The following CTNNA3 variants were observed in gnomAD, a reference collection of about 807,000 sequenced individuals.
The protein encoded by CTNNA3 is catenin alpha 3, also known as catenin alpha-3.
A neutral mutation model predicts 95.7 loss-of-function variants in CTNNA3; 76 were observed. The ratio of observed to expected loss-of-function variants is 0.79; its 90% confidence interval spans 0.66 to 0.96. The LOEUF is 0.96. CTNNA3 is among the 40% of genes least tolerant of loss of function. The probability of loss-of-function intolerance (pLI) is 0.00; values close to 1 mark genes in which losing one functional copy is unlikely to be tolerated. For missense variants in CTNNA3, 1,191 were observed against 1,089.8 expected, an observed-to-expected ratio of 1.09 and a Z score of -1.31; for synonymous variants, 431 against 374.4, an observed-to-expected ratio of 1.15 and a Z score of -1.74.
intron 7 of CTNNA3, among the ~76,000 whole-genome samples, chr10:66,844,394 T>A (rs930130480): frequency 6.6e-6 from 1 of 152,236 alleles, no homozygotes; most frequent in Non-Finnish European, 1.5e-5. Context: ...GCCTATTGAT[T>A]GGTGAGACTT....
At chr10:66,572,467 C>A (rs2132168695) in intron 10 of CTNNA3, among the ~76,000 whole-genome samples, 1 of 151,668 alleles carries the variant, frequency 6.6e-6, no homozygotes, top group Admixed American at 6.6e-5. Context: ...ATATGTCTAT[C>A]TCTACATCTA....
intron 15 of CTNNA3, among the ~76,000 whole-genome samples, chr10:66,002,912 T>C (rs558071986): frequency 2.0e-5 from 3 of 152,342 alleles, no homozygotes; most frequent in East Asian, 1.9e-4. Context: ...GCATTGCCTT[T>C]GCACATGATC....
At chr10:66,552,957 G>T (rs1210145812) in intron 10 of CTNNA3, among the ~76,000 whole-genome samples, 1 of 151,774 alleles carries the variant, frequency 6.6e-6, no homozygotes, top group Non-Finnish European at 1.5e-5. Context: ...TTAAAAATAT[G>T]CTGAGTGATT....
intron 11 of CTNNA3, among the ~76,000 whole-genome samples, chr10:66,432,194 A>C (rs188213543): frequency 3.3e-5 from 5 of 152,300 alleles, no homozygotes; most frequent in Admixed American, 2.0e-4. Flanking sequence ...TTAATGGTAT[A>C]GTTTAAAATC....
intron 1 of CTNNA3, among the ~76,000 whole-genome samples, chr10:67,726,273 T>TA (rs1841214841): frequency 2.0e-5 from 2 of 98,176 alleles, no homozygotes; most frequent in Non-Finnish European, 1.8e-5. Context: ...ACATATTATA[T>TA]ATATTATATT....
chr10:67,539,422 C>T, intron 4 of CTNNA3, 81 bp downstream of exon 4: 1 of 1,461,624 alleles, frequency 6.8e-7, no homozygotes, highest in Non-Finnish European at 9.5e-7. Flanking sequence ...AGCCAAGATG[C>T]ACTAGGATCG....
intron 6 of CTNNA3, 38 bp downstream of exon 6, chr10:67,219,569 A>G (rs1864551761): frequency 6.3e-7 from 1 of 1,582,308 alleles, no homozygotes; most frequent in East Asian, 2.2e-5. Context: ...TTACTGTATT[A>G]GGACATCAGA....
At chr10:67,690,470 A>G (rs1156306740) in intron 1 of CTNNA3, among the ~76,000 whole-genome samples, 1 of 152,042 alleles carries the variant, frequency 6.6e-6, no homozygotes. Flanking sequence ...GGTCCATTTT[A>G]CAGAGTGCTG....
intron 10 of CTNNA3, among the ~76,000 whole-genome samples, chr10:66,619,002 C>G (rs1738448313): frequency 6.6e-6 from 1 of 152,092 alleles, no homozygotes; most frequent in Non-Finnish European, 1.5e-5. Flanking sequence ...AAATAAAAAC[C>G]ACAATGAGAT....
At position 65,920,490 on chromosome 10, in the gene CTNNA3, T is replaced by C. The variant is rs540211204; in HGVS notation, c.2528A>G (p.His843Arg). The change falls in exon 18 of 18, where the codon CAC becomes CGC. Residue 843 changes from histidine to arginine, a missense_variant. By Grantham distance (29) the His-to-Arg change is conservative (BLOSUM62 0). Transcript: ENST00000433211. ...CTTCATTCTCCACATCACAACTGGG[T>C]GCCGGGGCCCAGCAGGACTCTGGAT... ...IRIQSPAGPRHPVVMWRMKAP... is the reference protein window; with the variant it reads ...IRIQSPAGPRRPVVMWRMKAP... 2 of 1,614,128 alleles carry C rather than the reference T, an allele frequency of 1.2e-6. No individual in the cohort carries two copies. The highest frequency in any genetic ancestry group is 1.7e-6 in the Non-Finnish European group (2 of 1,180,020).
At chr10:67,478,230 G>A (rs1006680054) in intron 5 of CTNNA3, among the ~76,000 whole-genome samples, 38 of 152,130 alleles carry the variant, frequency 2.5e-4, no homozygotes, top group African/African-American at 8.2e-4. Context: ...TCTGTGAGAG[G>A]AGAAAAAGTA....
chr10:67,633,560 T>A (rs1839212914), intron 2 of CTNNA3, among the ~76,000 whole-genome samples: 2 of 152,118 alleles, frequency 1.3e-5, no homozygotes, highest in Admixed American at 1.3e-4. Context: ...TTTCACAGCC[T>A]TCACTGGTGA....
chr10:67,357,108 C>T (rs1842838437), intron 5 of CTNNA3, among the ~76,000 whole-genome samples: 1 of 152,066 alleles, frequency 6.6e-6, no homozygotes, highest in Non-Finnish European at 1.5e-5. Context: ...CCATATCTAG[C>T]AGCCTAGCAT....
intron 7 of CTNNA3, among the ~76,000 whole-genome samples, chr10:66,868,867 G>A (rs1844290291): frequency 6.6e-6 from 1 of 152,128 alleles, no homozygotes; most frequent in East Asian, 1.9e-4. Context: ...AGTGCTAAAA[G>A]CTAAATAAAA....
intron 16 of CTNNA3, among the ~76,000 whole-genome samples, chr10:65,976,066 C>T (rs1361549016): frequency 1.3e-5 from 2 of 152,080 alleles, no homozygotes; most frequent in Non-Finnish European, 2.9e-5. Context: ...TATTGACAAA[C>T]AGAGAGGTTA....
chr10:65,971,989 G>A (rs1266930823), intron 16 of CTNNA3, among the ~76,000 whole-genome samples: 3 of 152,100 alleles, frequency 2.0e-5, no homozygotes, highest in Admixed American at 2.0e-4. Context: ...TTCTTGGAAT[G>A]TAAGGTTGGT....
At chr10:66,720,855 G>C (rs71496005) in intron 9 of CTNNA3, among the ~76,000 whole-genome samples, 3,676 of 152,004 alleles carry the variant, frequency 0.024, 184 homozygotes, top group East Asian at 0.22. Context: ...GAAAAGAAAA[G>C]AAAACAAAAA....
In CTNNA3 at chr10:66,097,009, G is replaced by T. The variant is rs190253710; in HGVS notation, c.1977+6148C>A. 9.9e-5 allele frequency among the ~76,000 whole-genome samples: 15 copies of T among 152,256 alleles called. 1 individual carries two copies. The East Asian group carries it at 2.9e-3, about 29-fold the overall frequency. On this transcript the variant is annotated intron_variant, in intron 14 of 17. Transcript: ENST00000433211. ...ACAACTATTGGGTCAACTTTTCGGT[G>T]ATGTTGCATTAACAAGAGTTGCTTT...
chr10:67,470,448 A>T (rs1847773669), intron 5 of CTNNA3, among the ~76,000 whole-genome samples: 1 of 152,206 alleles, frequency 6.6e-6, no homozygotes, highest in South Asian at 2.1e-4. Context: ...GATTTCCTAC[A>T]AAAGTTCTTT....
Sources: allele counts gnomAD v4.1 joint callset (sites outside exome capture counted in the v4.1 genomes callset), GRCh38; gene constraint gnomAD v4.1.1; transcripts MANE v1.5; gene names NCBI Gene and HGNC (gene_info 2026-07-23, HGNC 2026-07-21).